INPP4B: variants seen among roughly 807,000 people sequenced by gnomAD.
INPP4B encodes inositol polyphosphate 4-phosphatase type II.
Under a neutral mutation model 122.5 loss-of-function variants are expected in INPP4B, and 55 were observed. The ratio of observed to expected loss-of-function variants is 0.45; its 90% confidence interval spans 0.36 to 0.56. The LOEUF (loss-of-function observed/expected upper bound fraction) is 0.56. Ranked by LOEUF, INPP4B falls within the 20% of genes least tolerant of loss-of-function variation. The pLI is 0.00. For synonymous variants in INPP4B, 403 were observed against 388.7 expected, an observed-to-expected ratio of 1.04 and a Z score of -0.43; for missense variants, 1,000 against 1,097.7, an observed-to-expected ratio of 0.91 and a Z score of 1.26.
intron 3 of INPP4B, among the ~76,000 whole-genome samples, chr4:142,440,638 G>A (rs186036120): frequency 2.8e-4 from 43 of 152,216 alleles, no homozygotes; most frequent in Admixed American, 2.4e-3. Flanking sequence ...CCCCCTGCCC[G>A]TCATTCACTC....
intron 1 of INPP4B, among the ~76,000 whole-genome samples, chr4:142,797,184 A>G (rs1017429106): frequency 2.0e-5 from 3 of 151,910 alleles, no homozygotes; most frequent in Non-Finnish European, 2.9e-5. Flanking sequence ...GTCCTTATAA[A>G]AAAGCAGATA....
chr4:142,133,674 C>T (rs1031488754), intron 18 of INPP4B, among the ~76,000 whole-genome samples: 1 of 152,172 alleles, frequency 6.6e-6, no homozygotes, highest in African/African-American at 2.4e-5. Flanking sequence ...TTTAATGTCA[C>T]CTTCTACTCT....
At chr4:142,035,983 C>T (rs1743649386) in intron 25 of INPP4B, among the ~76,000 whole-genome samples, 1 of 151,976 alleles carries the variant, frequency 6.6e-6, no homozygotes, top group Admixed American at 6.6e-5. Context: ...AGTAGGTTTG[C>T]TATTTGGGTA....
chr4:142,328,608 A>G (rs969331402), intron 7 of INPP4B, among the ~76,000 whole-genome samples: 2 of 152,254 alleles, frequency 1.3e-5, no homozygotes, highest in Non-Finnish European at 2.9e-5. Flanking sequence ...TTACAAAAAT[A>G]TAAAACAGTG....
In INPP4B at chr4:142,238,025, G is replaced by GA. The variant is rs777725741; in HGVS notation, c.689-15dup. On this transcript the variant is annotated splice_polypyrimidine_tract_variant and intron_variant, in intron 11 of 25. Coordinates refer to ENST00000262992, the MANE Select transcript of INPP4B (RefSeq NM_001101669.3). ...GGTTCTTTAACACTGGAAAAAAAAA[G>GA]AAAAAATAATAGTTAAATTCTAAGC... 6.7e-6 allele frequency: 9 copies of GA among 1,340,068 alleles called. No homozygotes were observed. Among genetic ancestry groups the GA allele is most frequent in the African/African-American group, 1.4e-5 (1 of 69,122 alleles). 83.0% of individuals were successfully genotyped at this position (1,340,068 alleles called of 1,614,324 possible). A position where few individuals can be genotyped will look rare whatever the true frequency, so the allele number is the denominator to read the frequency against.
chr4:142,140,983 G>T lies in INPP4B; in HGVS notation c.1720+4857C>A, dbSNP rs373769288. ...GCTGCGCTTAATTCTGCAGACTGCT[G>T]AGACAAACTAGAAGATGTTCAGAGA... is the stretch of plus-strand genomic sequence containing the variant. On this transcript the variant is annotated intron_variant, in intron 18 of 25. Transcript: ENST00000262992. 3.3e-5 allele frequency among the ~76,000 whole-genome samples: 5 copies of T among 152,196 alleles called. No individual in the cohort carries two copies. The East Asian group carries it at 9.6e-4, about 29-fold the overall frequency.
chr4:142,083,101 CA>C (rs33936815), intron 24 of INPP4B, among the ~76,000 whole-genome samples: 20,571 of 126,242 alleles, frequency 0.16, 1,655 homozygotes, highest in East Asian at 0.26. Flanking sequence ...CACCCTGTCT[CA>C]AAAAAAAAAA....
chr4:142,051,221 A>G (rs536509710), intron 25 of INPP4B, among the ~76,000 whole-genome samples: 36 of 152,064 alleles, frequency 2.4e-4, no homozygotes, highest in Non-Finnish European at 4.3e-4. Context: ...AGCCAAGAAC[A>G]CATTGAATAC....
intron 17 of INPP4B, among the ~76,000 whole-genome samples, chr4:142,157,097 C>A (rs1817626612): frequency 6.6e-6 from 1 of 152,050 alleles, no homozygotes; most frequent in African/African-American, 2.4e-5. Flanking sequence ...TTGTAATCAG[C>A]ACTGAAACTT....
chr4:142,363,019 AG>A (rs1786046228), intron 7 of INPP4B, among the ~76,000 whole-genome samples: 1 of 152,022 alleles, frequency 6.6e-6, no homozygotes, highest in African/African-American at 2.4e-5. Flanking sequence ...AATAATGTGG[AG>A]GGGTAAAAGT....
intron 1 of INPP4B, among the ~76,000 whole-genome samples, chr4:142,751,318 G>A (rs570303527): frequency 1.4e-5 from 2 of 147,078 alleles, no homozygotes; most frequent in East Asian, 2.0e-4. Context: ...GCCTGATGAC[G>A]ACAATTGACC....
At chr4:142,324,247 G>A (rs577430089) in intron 7 of INPP4B, among the ~76,000 whole-genome samples, 1 of 152,160 alleles carries the variant, frequency 6.6e-6, no homozygotes, top group Admixed American at 6.5e-5. Context: ...AGACCTGTGA[G>A]AAAATAAATT....
intron 3 of INPP4B, among the ~76,000 whole-genome samples, chr4:142,455,479 G>A (rs1427423243): frequency 6.6e-6 from 1 of 151,930 alleles, no homozygotes; most frequent in Non-Finnish European, 1.5e-5. Flanking sequence ...TCCATGTTGT[G>A]AATGAGTGGA....
intron 2 of INPP4B, among the ~76,000 whole-genome samples, chr4:142,724,607 A>G (rs74743795): frequency 0.039 from 5,903 of 152,208 alleles, 144 homozygotes; most frequent in African/African-American, 0.055. Flanking sequence ...AACTTCATTA[A>G]CCATTTAAGA....
intron 23 of INPP4B, among the ~76,000 whole-genome samples, chr4:142,086,518 T>A (rs577236338): frequency 4.6e-5 from 7 of 152,222 alleles, no homozygotes; most frequent in African/African-American, 1.7e-4. Context: ...CATGCCCAGC[T>A]ACTTTTTGTA....
At chr4:142,440,873 A>G (rs1811558004) in intron 3 of INPP4B, among the ~76,000 whole-genome samples, 1 of 152,230 alleles carries the variant, frequency 6.6e-6, no homozygotes. Context: ...CCCCTGTGGC[A>G]AGAGCAGCTA....
chr4:142,749,548 A>AG (rs928007843), intron 1 of INPP4B, among the ~76,000 whole-genome samples: 6 of 151,644 alleles, frequency 4.0e-5, no homozygotes, highest in Admixed American at 3.3e-4. Flanking sequence ...GACTAAAGGC[A>AG]GTACTGGGGA....
chr4:142,570,779 A>C (rs1732629375), intron 2 of INPP4B, among the ~76,000 whole-genome samples: 1 of 151,734 alleles, frequency 6.6e-6, no homozygotes, highest in Non-Finnish European at 1.5e-5. Flanking sequence ...AGCACACCCA[A>C]CCCTAATGTT....
rs1437734213 is a variant in INPP4B at position 142,705,697 on chromosome 4, T to C, written c.-191+20142A>G. ...GGTGCTACTTTCAACAATCTATTAA[T>C]GTCTCTAAGCTTTCATCTCTTCATC... is the stretch of plus-strand genomic sequence containing the variant. On this transcript the variant is annotated intron_variant, in intron 2 of 25. Transcript: ENST00000262992. Among the ~76,000 whole-genome samples the C allele has an allele frequency of 2.6e-5, 4 of 152,186 alleles. No individual in the cohort carries two copies. In the East Asian group the frequency reaches 7.7e-4, roughly 29 times the overall value.
Sources: allele counts gnomAD v4.1 joint callset (sites outside exome capture counted in the v4.1 genomes callset), GRCh38; gene constraint gnomAD v4.1.1; transcripts MANE v1.5; gene names NCBI Gene and HGNC (gene_info 2026-07-23, HGNC 2026-07-21).